The following SIPA1L3 variants were observed in gnomAD, a reference collection of about 807,000 sequenced individuals.
SIPA1L3 encodes signal induced proliferation associated 1 like 3.
SIPA1L3 carries 59 observed loss-of-function variants against 150.1 expected under a neutral mutation model. The ratio of observed to expected loss-of-function variants is 0.39; its 90% CI spans 0.32 to 0.49. The LOEUF (loss-of-function observed/expected upper bound fraction) is 0.49, where lower values mean the gene tolerates loss of function less well. SIPA1L3 is among the 20% of genes least tolerant of loss of function. SIPA1L3 has a pLI of 0.86. For missense variants in SIPA1L3, 2,211 were observed against 2,489.5 expected, an observed-to-expected ratio of 0.89 and a Z score of 2.38; for synonymous variants, 1,070 against 1,077.6, an observed-to-expected ratio of 0.99 and a Z score of 0.14.
chr19:38,197,308 A>G (rs1226911801), intron 18 of SIPA1L3, among the ~76,000 whole-genome samples: 1 of 151,982 alleles, frequency 6.6e-6, no homozygotes, highest in Non-Finnish European at 1.5e-5. Context: ...CCCTTCCCTC[A>G]GGGGCTTCAA....
At chr19:37,916,610 A>G (rs1308166060) in intron 1 of SIPA1L3, among the ~76,000 whole-genome samples, 3 of 151,922 alleles carry the variant, frequency 2.0e-5, no homozygotes, top group Non-Finnish European at 4.4e-5. Flanking sequence ...CACTGACAGT[A>G]TAAAGTTGAA....
intron 10 of SIPA1L3, among the ~76,000 whole-genome samples, chr19:38,132,905 C>A (rs1281221163): frequency 1.3e-5 from 2 of 152,152 alleles, no homozygotes; most frequent in East Asian, 3.9e-4. Context: ...ACCTCAGCCA[C>A]CCAAAGTGCT....
intron 1 of SIPA1L3, among the ~76,000 whole-genome samples, chr19:37,948,103 A>G (rs1255909361): frequency 1.3e-5 from 2 of 152,232 alleles, no homozygotes; most frequent in Non-Finnish European, 2.9e-5. Flanking sequence ...AAGTGTCATG[A>G]AAGACTCTTC....
chr19:37,912,845 A>G (rs539303059), intron 1 of SIPA1L3, among the ~76,000 whole-genome samples: 1 of 152,330 alleles, frequency 6.6e-6, no homozygotes, highest in South Asian at 2.1e-4. Flanking sequence ...GTTATATTGC[A>G]GGGATCCCGC....
chr19:38,155,979 G>A (rs558214484), intron 13 of SIPA1L3, among the ~76,000 whole-genome samples: 4 of 151,768 alleles, frequency 2.6e-5, no homozygotes, highest in Non-Finnish European at 5.9e-5. Context: ...TACTCAGGAG[G>A]CTGAGGCAGG....
chr19:38,063,820 G>A (rs866322383), intron 2 of SIPA1L3, among the ~76,000 whole-genome samples: 24 of 151,936 alleles, frequency 1.6e-4, no homozygotes, highest in Admixed American at 1.2e-3. Context: ...TGTTCACTGA[G>A]AAAAAAATAA....
chr19:38,166,461 A>C (rs1972213824), intron 15 of SIPA1L3, among the ~76,000 whole-genome samples: 1 of 151,958 alleles, frequency 6.6e-6, no homozygotes, highest in Non-Finnish European at 1.5e-5. Context: ...GTCTCAAAAA[A>C]AAAAAAAAGA....
chr19:38,049,784 C>T (rs1422916802), intron 2 of SIPA1L3, among the ~76,000 whole-genome samples: 1 of 152,122 alleles, frequency 6.6e-6, no homozygotes, highest in African/African-American at 2.4e-5. Context: ...CCCCCGAGAG[C>T]ACAGGAGGGT....
At chr19:38,061,564 C>T (rs2145780871) in intron 2 of SIPA1L3, among the ~76,000 whole-genome samples, 1 of 152,092 alleles carries the variant, frequency 6.6e-6, no homozygotes, top group East Asian at 1.9e-4. Context: ...CCCTGGCCAT[C>T]TGTGTGCACA....
chr19:38,182,129 C>T (rs1184412118), intron 15 of SIPA1L3, among the ~76,000 whole-genome samples: 1 of 77,532 alleles, frequency 1.3e-5, no homozygotes, highest in South Asian at 3.9e-4. Context: ...TGACTGAGAC[C>T]CTGTCTCAAA....
At chr19:38,205,059 T>C (rs1003373909) in intron 21 of SIPA1L3, among the ~76,000 whole-genome samples, 13 of 152,212 alleles carry the variant, frequency 8.5e-5, no homozygotes, top group Non-Finnish European at 1.5e-4. Context: ...GCAGCAGTGT[T>C]GTCTAGAATA....
At chr19:38,016,217 G>T (rs958741356) in intron 1 of SIPA1L3, among the ~76,000 whole-genome samples, 1 of 152,240 alleles carries the variant, frequency 6.6e-6, no homozygotes, top group African/African-American at 2.4e-5. Flanking sequence ...GTTGCATGAA[G>T]TAACAAATAC....
At chr19:37,962,903 T>C (rs1236197603) in intron 1 of SIPA1L3, among the ~76,000 whole-genome samples, 1 of 152,234 alleles carries the variant, frequency 6.6e-6, no homozygotes, top group Non-Finnish European at 1.5e-5. Flanking sequence ...TTTCTCCTTT[T>C]GTTTTGTTTA....
At chr19:38,145,601 C>T (rs1408873503) in intron 12 of SIPA1L3, among the ~76,000 whole-genome samples, 1 of 151,836 alleles carries the variant, frequency 6.6e-6, no homozygotes, top group Non-Finnish European at 1.5e-5. Context: ...GCAGCCTCCC[C>T]TATTGTTAAC....
chr19:37,969,052 A>G (rs1349731205), intron 1 of SIPA1L3, among the ~76,000 whole-genome samples: 2 of 152,178 alleles, frequency 1.3e-5, no homozygotes, highest in Non-Finnish European at 2.9e-5. Context: ...ACTCTCTAAT[A>G]TGCTCCAGTG....
At chr19:38,018,501 G>A (rs1479219585) in intron 1 of SIPA1L3, among the ~76,000 whole-genome samples, 1 of 152,114 alleles carries the variant, frequency 6.6e-6, no homozygotes, top group African/African-American at 2.4e-5. Flanking sequence ...GACATTTCAT[G>A]TAAATGGAAC....
intron 8 of SIPA1L3, among the ~76,000 whole-genome samples, chr19:38,112,619 G>C (rs855632): frequency 0.66 from 99,899 of 152,088 alleles, 34,261 homozygotes; most frequent in African/African-American, 0.85. Flanking sequence ...ATTTAACAGA[G>C]ACCCATGTGC....
chr19:37,938,919 G>C (rs1010305299), intron 1 of SIPA1L3, among the ~76,000 whole-genome samples: 1 of 151,982 alleles, frequency 6.6e-6, no homozygotes, highest in Non-Finnish European at 1.5e-5. Flanking sequence ...CACAGTGCCC[G>C]GCCACTTTTG....
chr19:38,116,062 A>G (rs1228170200), intron 8 of SIPA1L3, among the ~76,000 whole-genome samples: 1 of 152,162 alleles, frequency 6.6e-6, no homozygotes, highest in Non-Finnish European at 1.5e-5. Flanking sequence ...TTAATCCATA[A>G]TCTCTATTTT....
Sources: allele counts gnomAD v4.1 joint callset (sites outside exome capture counted in the v4.1 genomes callset), GRCh38; gene constraint gnomAD v4.1.1; transcripts MANE v1.5; gene names NCBI Gene and HGNC (gene_info 2026-07-23, HGNC 2026-07-21).